Variants in PDCD6IP observed in about 807,000 individuals in gnomAD.
The protein encoded by PDCD6IP is programmed cell death 6-interacting protein.
A neutral mutation model predicts 103.7 loss-of-function variants in PDCD6IP; 43 were observed. The observed-to-expected ratio is 0.41, with a 90% CI of 0.32 to 0.53. The LOEUF (loss-of-function observed/expected upper bound fraction) is 0.53, where lower values mean the gene tolerates loss of function less well. Among genes scored for constraint, PDCD6IP ranks in the 20% least tolerant of loss-of-function variants. The probability of loss-of-function intolerance (pLI) is 0.16; values close to 1 mark genes in which losing one functional copy is unlikely to be tolerated. For synonymous variants in PDCD6IP, 354 were observed against 378.7 expected, an observed-to-expected ratio of 0.93 and a Z score of 0.76; for missense variants, 871 against 1,036.7, an observed-to-expected ratio of 0.84 and a Z score of 2.20.
chr3:33,835,744 G>A (rs1697332522), intron 7 of PDCD6IP, among the ~76,000 whole-genome samples: 1 of 151,900 alleles, frequency 6.6e-6, no homozygotes, highest in African/African-American at 2.4e-5. Flanking sequence ...AAAAAAGAAA[G>A]AACCCAACAG....
chr3:33,829,058 C>G, intron 7 of PDCD6IP, 89 bp downstream of exon 7: 1 of 1,062,860 alleles, frequency 9.4e-7, no homozygotes. Flanking sequence ...CCATAAAAAC[C>G]TTTCCCGTTC....
At chr3:33,800,168 A>C (rs1047286365) in intron 1 of PDCD6IP, among the ~76,000 whole-genome samples, 2 of 150,990 alleles carry the variant, frequency 1.3e-5, no homozygotes, top group African/African-American at 4.9e-5. Flanking sequence ...CTGCTAACTG[A>C]AAAGTCTAGG....
chr3:33,820,407 T>A (rs1343295993), intron 3 of PDCD6IP, among the ~76,000 whole-genome samples: 1 of 152,156 alleles, frequency 6.6e-6, no homozygotes, highest in African/African-American at 2.4e-5. Context: ...AGACTGCATT[T>A]AAAAAAAATT....
chr3:33,815,986 T>G (rs1201335404), intron 3 of PDCD6IP, among the ~76,000 whole-genome samples: 1 of 152,036 alleles, frequency 6.6e-6, no homozygotes, highest in Non-Finnish European at 1.5e-5. Context: ...GGGAATGAGG[T>G]TGAGAAAAAG....
intron 9 of PDCD6IP, among the ~76,000 whole-genome samples, chr3:33,839,029 A>G (rs745692971): frequency 6.6e-6 from 1 of 150,820 alleles, no homozygotes; most frequent in Non-Finnish European, 1.5e-5. Flanking sequence ...CTGGTCTTGA[A>G]CTCCTGGGCT....
chr3:33,832,639 C>G (rs1697267167), intron 7 of PDCD6IP, among the ~76,000 whole-genome samples: 1 of 152,144 alleles, frequency 6.6e-6, no homozygotes, highest in Admixed American at 6.5e-5. Flanking sequence ...ATCTGACATT[C>G]TGACTTTATC....
chr3:33,857,023 ACATGTTCATGTTCATTCACCTCTCTGCT>A (rs1391668375), intron 15 of PDCD6IP, among the ~76,000 whole-genome samples: 5 of 152,120 alleles, frequency 3.3e-5, no homozygotes, highest in African/African-American at 4.8e-5. Flanking sequence ...CAGAGAATGA[ACATGTTCATGTTCATTCACCTCTCTGCT>A]CATGTTCATG....
At chr3:33,808,658 G>C (rs74919073) in intron 1 of PDCD6IP, among the ~76,000 whole-genome samples, 1 of 152,192 alleles carries the variant, frequency 6.6e-6, no homozygotes, top group African/African-American at 2.4e-5. Context: ...GGATTACTAC[G>C]GTAGCTTCCT....
intron 12 of PDCD6IP, among the ~76,000 whole-genome samples, chr3:33,849,290 C>G (rs577471111): frequency 1.3e-5 from 2 of 151,956 alleles, no homozygotes; most frequent in Admixed American, 1.3e-4. Flanking sequence ...TTTACATTTG[C>G]GTTTCCTTCT....
chr3:33,858,322 A>G (rs1697873593), intron 15 of PDCD6IP, among the ~76,000 whole-genome samples: 1 of 152,172 alleles, frequency 6.6e-6, no homozygotes, highest in Non-Finnish European at 1.5e-5. Flanking sequence ...TGTCAATTCT[A>G]AGTTAACTTA....
chr3:33,863,429 C>A (rs184963058), intron 15 of PDCD6IP, among the ~76,000 whole-genome samples: 1 of 152,154 alleles, frequency 6.6e-6, no homozygotes, highest in Non-Finnish European at 1.5e-5. Flanking sequence ...TTCATCCCCA[C>A]CCCCTACTCT....
intron 15 of PDCD6IP, among the ~76,000 whole-genome samples, chr3:33,860,360 A>G (rs1316206272): frequency 6.6e-6 from 1 of 152,212 alleles, no homozygotes; most frequent in Non-Finnish European, 1.5e-5. Flanking sequence ...AGTCGTTGTT[A>G]ATACTGAAGG....
intron 3 of PDCD6IP, among the ~76,000 whole-genome samples, chr3:33,816,621 G>A (rs1235700056): frequency 2.0e-5 from 3 of 151,962 alleles, no homozygotes; most frequent in African/African-American, 7.3e-5. Context: ...GTCATGTAAG[G>A]TTGGAGAAGT....
intron 12 of PDCD6IP, among the ~76,000 whole-genome samples, chr3:33,850,089 G>A (rs1395293744): frequency 6.6e-6 from 1 of 152,104 alleles, no homozygotes; most frequent in African/African-American, 2.4e-5. Flanking sequence ...CCCTTTGTTA[G>A]AAGTTATGTT....
Position 33,868,847 on chromosome 3 carries a change from G to T in PDCD6IP, c.*2322G>T, listed in dbSNP as rs1698124157. The T allele has an allele frequency of 6.6e-6, 1 of 152,220 alleles. No individual in the cohort carries two copies. The highest frequency in any genetic ancestry group is 2.4e-5 in the African/African-American group (1 of 41,456). The allele number at this position is 152,220 out of a possible 1,614,324, so 9.4% of individuals were successfully genotyped here. ...AATGAAGCTCTGCATAGAGGAACTA[G>T]TCAGAAGTGGGGAAAACACTGTCTA... On this transcript the variant is annotated 3_prime_UTR_variant, in exon 18 of 18. Coordinates refer to ENST00000307296, the MANE Select transcript of PDCD6IP (RefSeq NM_013374.6).
rs1036275188 is a variant in PDCD6IP at position 33,814,307 on chromosome 3, A to AT, written c.334+686dup. Among the ~76,000 whole-genome samples the AT allele has an allele frequency of 2.4e-4, 36 of 151,836 alleles. 1 individual carries two copies. The Middle Eastern group carries it at 0.014, about 57-fold the overall frequency. Reference sequence around the variant, plus strand: ...AAGCACCCGCCACCACACCTGGGTAATTTTTTTAGTAGAGACGGGGTTTCA... The same window carrying AT: ...AAGCACCCGCCACCACACCTGGGTAATTTTTTTTAGTAGAGACGGGGTTTCA... On this transcript the variant is annotated intron_variant, in intron 3 of 17. Coordinates refer to ENST00000307296, the MANE Select transcript of PDCD6IP (RefSeq NM_013374.6).
chr3:33,853,955 T>C lies in PDCD6IP; in HGVS notation c.1967T>C (p.Leu656Ser). The C allele has an allele frequency of 6.3e-7, 1 of 1,590,482 alleles. No homozygotes were observed. The highest frequency in any genetic ancestry group is 8.5e-7 in the Non-Finnish European group (1 of 1,172,594). ...TTAAGAGAAGAAGTTTTGAAGAATT[T>C]AGCTACTGCATATGACAACTTTGTT... Reference protein sequence around the residue: ...ANLREEVLKNLATAYDNFVEL... With the variant: ...ANLREEVLKNSATAYDNFVEL... Residue 656 changes from leucine to serine, a missense_variant, in exon 14 of 18, where the codon TTA (leucine) becomes TCA (serine). Transcript: ENST00000307296.
At chr3:33,853,734 A>C (rs1697768374) in intron 13 of PDCD6IP, 145 bp from the exon 14 acceptor site, 1 of 720,906 alleles carries the variant, frequency 1.4e-6, no homozygotes, top group Admixed American at 4.7e-5. Flanking sequence ...ATGAGGCTTC[A>C]AAAGAGTGTA....
At chr3:33,847,500 A>G (rs1487382385) in intron 12 of PDCD6IP, among the ~76,000 whole-genome samples, 6 of 143,142 alleles carry the variant, frequency 4.2e-5, no homozygotes, top group African/African-American at 1.5e-4. Context: ...TATCAAAGCT[A>G]TTTCAGACTG....
Sources: allele counts gnomAD v4.1 joint callset (sites outside exome capture counted in the v4.1 genomes callset), GRCh38; gene constraint gnomAD v4.1.1; transcripts MANE v1.5; gene names NCBI Gene and HGNC (gene_info 2026-07-23, HGNC 2026-07-21).